The following DLGAP2 variants were observed in gnomAD, a reference collection of about 807,000 sequenced individuals.
The protein encoded by DLGAP2 is DLG associated protein 2, also known as disks large-associated protein 2.
DLGAP2 carries 26 observed loss-of-function variants against 100.3 expected under a neutral mutation model. The observed-to-expected ratio is 0.26, with a 90% confidence interval of 0.19 to 0.36. The LOEUF (loss-of-function observed/expected upper bound fraction) is 0.36, where lower values mean the gene tolerates loss of function less well. Ranked by LOEUF, DLGAP2 falls within the 10% of genes least tolerant of loss-of-function variation. The pLI, the probability that DLGAP2 is intolerant of heterozygous loss-of-function variation, is 1.00. For missense variants in DLGAP2, 1,858 were observed against 1,453.2 expected, an observed-to-expected ratio of 1.28 and a Z score of -4.53; for synonymous variants, 886 against 630.1, an observed-to-expected ratio of 1.41 and a Z score of -6.08.
intron 1 of DLGAP2, among the ~76,000 whole-genome samples, chr8:866,794 G>T (rs941874780): frequency 6.6e-6 from 1 of 152,146 alleles, no homozygotes; most frequent in Non-Finnish European, 1.5e-5. Flanking sequence ...CTATGACTCA[G>T]ACTGGGATTT....
intron 2 of DLGAP2, among the ~76,000 whole-genome samples, chr8:1,202,321 G>T (rs1266172224): frequency 2.0e-5 from 3 of 147,368 alleles, no homozygotes; most frequent in African/African-American, 2.5e-5. Context: ...TGTATGTACT[G>T]GGGGTGAGGC....
chr8:896,546 C>G (rs1405095907), intron 1 of DLGAP2, among the ~76,000 whole-genome samples: 1 of 152,098 alleles, frequency 6.6e-6, no homozygotes, highest in African/African-American at 2.4e-5. Context: ...AGCCTTGGTC[C>G]CCAGTGGGAT....
At chr8:851,755 C>T (rs902028961) in intron 1 of DLGAP2, among the ~76,000 whole-genome samples, 2 of 152,198 alleles carry the variant, frequency 1.3e-5, no homozygotes, top group Admixed American at 6.5e-5. Context: ...ACACGATTCA[C>T]GGAGACCACG....
At chr8:751,056 G>A (rs1012115595) in intron 1 of DLGAP2, among the ~76,000 whole-genome samples, 4 of 151,514 alleles carry the variant, frequency 2.6e-5, no homozygotes, top group Middle Eastern at 3.4e-3. Flanking sequence ...CATTTTCCTG[G>A]ATCTCCGGCC....
At chr8:1,077,630 C>G (rs1803664764) in intron 2 of DLGAP2, among the ~76,000 whole-genome samples, 1 of 152,154 alleles carries the variant, frequency 6.6e-6, no homozygotes, top group Non-Finnish European at 1.5e-5. Context: ...AATGGCCATA[C>G]AACATTTGCT....
At chr8:801,142 C>T (rs997273509) in intron 1 of DLGAP2, among the ~76,000 whole-genome samples, 1 of 152,240 alleles carries the variant, frequency 6.6e-6, no homozygotes, top group African/African-American at 2.4e-5. Context: ...AGGCGTTGTG[C>T]CTGCGTGTTT....
intron 1 of DLGAP2, among the ~76,000 whole-genome samples, chr8:876,043 G>C (rs1054943865): frequency 5.3e-5 from 8 of 152,090 alleles, no homozygotes; most frequent in African/African-American, 1.9e-4. Context: ...ACATAGCTTT[G>C]CTTCCACTAA....
At chr8:1,336,842 C>A (rs1347570485) in intron 3 of DLGAP2, among the ~76,000 whole-genome samples, 1 of 152,182 alleles carries the variant, frequency 6.6e-6, no homozygotes, top group Admixed American at 6.5e-5. Flanking sequence ...CTAATGTTTA[C>A]TGCAAAGGAA....
At chr8:1,516,036 A>C in intron 4 of DLGAP2, among the ~76,000 whole-genome samples, 1 of 144,730 alleles carries the variant, frequency 6.9e-6, no homozygotes, top group South Asian at 2.1e-4. Flanking sequence ...TGAGTGAATG[A>C]GTAACTGAGT....
At chr8:1,315,758 A>C (rs368183994) in intron 3 of DLGAP2, among the ~76,000 whole-genome samples, 1 of 13,018 alleles carries the variant, frequency 7.7e-5, no homozygotes, top group Admixed American at 1.1e-3. Context: ...CGAGAAACTC[A>C]GCAGCTTTTA....
chr8:1,468,682 T>C (rs1798698098), intron 3 of DLGAP2, among the ~76,000 whole-genome samples: 2 of 152,178 alleles, frequency 1.3e-5, no homozygotes, highest in Non-Finnish European at 2.9e-5. Flanking sequence ...CCGTAAAACG[T>C]GACTCCAGCC....
rs913419205 is a variant in DLGAP2, at chr8:1,244,455, G to T, written c.74-14396G>T. 1.2e-4 allele frequency among the ~76,000 whole-genome samples: 19 copies of T among 152,342 alleles called. 1 individual carries two copies. The highest frequency in any genetic ancestry group is 4.3e-4 in the African/African-American group (18 of 41,578). ...GAGGTTAAAGTGTTGTAAAAGAGGTGCCATAGAAACATAGGAAGGGGCAAT... is the reference window on the plus strand; with the variant it reads ...GAGGTTAAAGTGTTGTAAAAGAGGTTCCATAGAAACATAGGAAGGGGCAAT... On this transcript the variant is annotated intron_variant, in intron 2 of 14. Transcript: ENST00000637795.
intron 1 of DLGAP2, among the ~76,000 whole-genome samples, chr8:745,061 C>T (rs1450050599): frequency 1.3e-5 from 2 of 152,198 alleles, no homozygotes; most frequent in African/African-American, 4.8e-5. Context: ...TAAATACACA[C>T]CGTGAATGCC....
chr8:1,126,560 GA>G (rs1443897737), intron 2 of DLGAP2, among the ~76,000 whole-genome samples: 2 of 151,964 alleles, frequency 1.3e-5, no homozygotes, highest in Non-Finnish European at 2.9e-5. Flanking sequence ...TCCTGGTGGT[GA>G]GATCAGAGGC....
chr8:761,691 A>G (rs973769553), intron 1 of DLGAP2, among the ~76,000 whole-genome samples: 1 of 152,034 alleles, frequency 6.6e-6, no homozygotes, highest in African/African-American at 2.4e-5. Context: ...TGTGTCAGGC[A>G]CTCCTGGAAC....
At chr8:1,624,044 G>A (rs1049153183) in intron 6 of DLGAP2, among the ~76,000 whole-genome samples, 7 of 151,888 alleles carry the variant, frequency 4.6e-5, no homozygotes, top group Admixed American at 6.5e-5. Flanking sequence ...TGGCTCAGAG[G>A]TGATCCCTTC....
intron 2 of DLGAP2, among the ~76,000 whole-genome samples, chr8:1,141,643 G>C (rs1375298338): frequency 6.6e-6 from 1 of 152,038 alleles, no homozygotes; most frequent in Non-Finnish European, 1.5e-5. Context: ...GTAAGTATTA[G>C]CAAAAATTTG....
chr8:1,047,649 G>T (rs937772428), intron 2 of DLGAP2, among the ~76,000 whole-genome samples: 8 of 151,964 alleles, frequency 5.3e-5, no homozygotes, highest in Non-Finnish European at 5.9e-5. Context: ...CCACTTCCTG[G>T]TCCCTAGATG....
intron 2 of DLGAP2, among the ~76,000 whole-genome samples, chr8:1,211,477 C>T (rs1798102911): frequency 6.6e-6 from 1 of 152,220 alleles, no homozygotes; most frequent in East Asian, 1.9e-4. Flanking sequence ...TAAAAATTTC[C>T]CAACAATGAT....
Sources: allele counts gnomAD v4.1 joint callset (sites outside exome capture counted in the v4.1 genomes callset), GRCh38; gene constraint gnomAD v4.1.1; transcripts MANE v1.5; gene names NCBI Gene and HGNC (gene_info 2026-07-23, HGNC 2026-07-21).